The following BAD variants were observed in gnomAD, a reference collection of about 807,000 sequenced individuals.
BAD encodes BCL2 associated agonist of cell death, also known as bcl2-associated agonist of cell death.
Under a neutral mutation model 17.8 loss-of-function variants are expected in BAD, and 18 were observed. That is an observed-to-expected ratio of 1.01 (90% CI 0.70 to 1.50). The LOEUF (loss-of-function observed/expected upper bound fraction) is 1.50, where lower values mean the gene tolerates loss of function less well. Among genes scored for constraint, BAD ranks in the 40% most tolerant of loss-of-function variants. The pLI, the probability that BAD is intolerant of heterozygous loss-of-function variation, is 0.00. For synonymous variants in BAD, 112 were observed against 91.5 expected (o/e 1.22, Z -1.28); for missense variants, 294 against 239.3 (o/e 1.23, Z -1.51).
Position 64,275,017 on chromosome 11 carries a change from C to T in BAD, c.188-3214G>A, listed in dbSNP as rs572348765. Among the ~76,000 whole-genome samples, 219 of 83,930 alleles carry T rather than the reference C, an allele frequency of 2.6e-3. 2 individuals carry two copies. In the South Asian group the frequency reaches 0.045, roughly 17 times the overall value. The allele number at this position is 83,930 out of a possible 152,430, so 55.1% of individuals were successfully genotyped here. A position where few individuals can be genotyped will look rare whatever the true frequency, so the allele number is the denominator to read the frequency against. On this transcript the variant is annotated intron_variant, in intron 2 of 3. Coordinates refer to ENST00000309032, the MANE Select transcript of BAD (RefSeq NM_032989.3). ...CAAAAAAAAAAAAAAAAAAAAAAAG[C>T]GAGTAAGGGAACGAGAGGACGGAAT...
At position 64,271,661 on chromosome 11, in the gene BAD, A is replaced by G; in HGVS notation, c.330T>C (p.Tyr110=). 1.3e-6 allele frequency: 2 copies of G among 1,510,486 alleles called. No individual in the cohort carries two copies. Among genetic ancestry groups the G allele is most frequent in the South Asian group, 1.2e-5 (1 of 80,274 alleles). The allele number at this position is 1,510,486 out of a possible 1,614,324, so 93.6% of individuals were successfully genotyped here. ...CACTCATCCTCCGGAGCTCGCGGCC[A>G]TAGCGCTGTGCTGCCCAGAGGTTGG... ...APPNLWAAQR[Y]GRELRRMSDE... is the part of the protein sequence containing the mutation. The change falls in exon 3 of 4, where the codon TAT becomes TAC. Residue 110 remains tyrosine, a synonymous_variant. Coordinates refer to ENST00000309032, the MANE Select transcript of BAD (RefSeq NM_032989.3).
intron 2 of BAD, among the ~76,000 whole-genome samples, chr11:64,281,087 C>T (rs2033438029): frequency 6.6e-6 from 1 of 152,176 alleles, no homozygotes; most frequent in Admixed American, 6.5e-5. Flanking sequence ...CCTGCCTCAG[C>T]CTCCAGAGTA....
rs11541683 is a variant in BAD, at chr11:64,284,227, C to A, written c.142G>T (p.Ala48Ser). ...GTTGGCTGCTCCTGCTGGTGACTGG[C>A]GTCCCACAGGAGGCCTGGGGCCTGG... ...HRQAPGLLWD[A>S]SHQQEQPTSS... Residue 48 changes from alanine to serine, a missense_variant, in exon 2 of 4, where the codon GCC becomes TCC. Coordinates refer to ENST00000309032, the MANE Select transcript of BAD (RefSeq NM_032989.3). 39 of 1,605,802 alleles carry A rather than the reference C, an allele frequency of 2.4e-5. No individual in the cohort carries two copies. The highest frequency in any genetic ancestry group is 3.3e-5 in the Non-Finnish European group (39 of 1,176,302).
intron 3 of BAD, 118 bp downstream of exon 3, chr11:64,271,495 G>A: frequency 9.2e-7 from 1 of 1,087,804 alleles, no homozygotes; most frequent in African/African-American, 1.6e-5. Context: ...GAACAGGACG[G>A]CTTTGGGGAG....
At chr11:64,270,482 T>C (rs2032425843) in intron 3 of BAD, 145 bp from the exon 4 acceptor site, 2 of 1,174,184 alleles carry the variant, frequency 1.7e-6, no homozygotes, top group Admixed American at 5.1e-5. Context: ...CGCCGGGCGG[T>C]CAGGGACGCT....
intron 2 of BAD, among the ~76,000 whole-genome samples, chr11:64,273,664 GAGGTC>G (rs1204760641): frequency 6.6e-6 from 1 of 151,716 alleles, no homozygotes; most frequent in Non-Finnish European, 1.5e-5. Context: ...GGGAGATCAC[GAGGTC>G]AGGAGTTTAA....
rs191414676 is a variant in BAD at position 64,278,491 on chromosome 11, A to T, written c.187+5691T>A. Among the ~76,000 whole-genome samples the T allele has an allele frequency of 1.5e-3, 227 of 152,142 alleles. 1 individual carries two copies. Among genetic ancestry groups the T allele is most frequent in the Admixed American group, 2.8e-3 (43 of 15,272 alleles). On this transcript the variant is annotated intron_variant, in intron 2 of 3. Coordinates refer to ENST00000309032, the MANE Select transcript of BAD (RefSeq NM_032989.3). ...TCTGCGCCAGGCACTGTTTCCAAGCACTTTTCCTATATTAACTCATCAGGT... is the reference window on the plus strand; with the variant it reads ...TCTGCGCCAGGCACTGTTTCCAAGCTCTTTTCCTATATTAACTCATCAGGT...
intron 2 of BAD, among the ~76,000 whole-genome samples, chr11:64,282,881 GAAAAAAA>G (rs541902877): frequency 0.01 from 907 of 88,066 alleles, 6 homozygotes; most frequent in African/African-American, 0.037. Flanking sequence ...TCCGTCTCAG[GAAAAAAA>G]AAAAAAAAAA....
intron 2 of BAD, 99 bp downstream of exon 2, chr11:64,284,083 G>A: frequency 7.1e-7 from 1 of 1,406,462 alleles, no homozygotes; most frequent in African/African-American, 1.4e-5. Context: ...TTTGGGGACC[G>A]ACCCAAAGCA....
chr11:64,279,411 G>C (rs931589124), intron 2 of BAD, among the ~76,000 whole-genome samples: 5 of 152,104 alleles, frequency 3.3e-5, no homozygotes, highest in African/African-American at 1.2e-4. Context: ...CTCTGGTTCA[G>C]ACTCCAAGTC....
chr11:64,273,774 C>T (rs768199252), intron 2 of BAD, among the ~76,000 whole-genome samples: 39 of 133,088 alleles, frequency 2.9e-4, no homozygotes, highest in Admixed American at 6.5e-4. Flanking sequence ...CCCAGCTACT[C>T]GGGAGGCTGA....
At position 64,278,201 on chromosome 11, in the gene BAD, G is replaced by A. The variant is rs1475330234; in HGVS notation, c.187+5981C>T. ...CCCAGCTACTTAGGAAGCTGAGGTG[G>A]GAGGATGGCTGGAGCCCAGAAATTT... is the stretch of plus-strand genomic sequence containing the variant. On this transcript the variant is annotated intron_variant, in intron 2 of 3. Transcript: ENST00000309032. Among the ~76,000 whole-genome samples the A allele has an allele frequency of 3.9e-5, 6 of 152,106 alleles. No individual in the cohort carries two copies. In the South Asian group the frequency reaches 8.3e-4, roughly 21 times the overall value.
At chr11:64,279,103 T>TC (rs2033257295) in intron 2 of BAD, among the ~76,000 whole-genome samples, 1 of 151,952 alleles carries the variant, frequency 6.6e-6, no homozygotes, top group African/African-American at 2.4e-5. Context: ...CAGCACCCTG[T>TC]CTCCTTTCTG....
chr11:64,271,853 A>G, intron 2 of BAD, 50 bp from the exon 3 acceptor site: 1 of 1,319,418 alleles, frequency 7.6e-7, no homozygotes, highest in Non-Finnish European at 9.7e-7. Flanking sequence ...AGCTCCTCTA[A>G]GCCCCTGGCC....
At chr11:64,276,933 C>A (rs1041823895) in intron 2 of BAD, 5 of 761,226 alleles carry the variant, frequency 6.6e-6, no homozygotes, top group Non-Finnish European at 1.2e-5. Flanking sequence ...GCGTGTTGGG[C>A]TTCTGAGTCA....
At chr11:64,276,835 C>A in intron 2 of BAD, 1 of 710,316 alleles carries the variant, frequency 1.4e-6, no homozygotes, top group Non-Finnish European at 2.6e-6. Context: ...TAGAGCCTGG[C>A]CCGGAGCTGG....
In BAD at chr11:64,271,726, C is replaced by T. The variant is rs769010021; in HGVS notation, c.265G>A (p.Glu89Lys). Reference protein sequence around the residue: ...GTEDDEGMGEEPSPFRGRSRS... With the variant: ...GTEDDEGMGEKPSPFRGRSRS... ...GAGCGGCCCCGAAAGGGGCTGGGCT[C>T]CTCCCCCATCCCTTCGTCGTCCTCC... The change falls in exon 3 of 4, where the codon GAG becomes AAG. Residue 89 changes from glutamate (E) to lysine (K), a missense_variant. By Grantham distance (56) the Glu-to-Lys change is moderately conservative. Transcript: ENST00000309032. 3 of 1,444,590 alleles carry T rather than the reference C, an allele frequency of 2.1e-6. No individual in the cohort carries two copies. The highest frequency in any genetic ancestry group is 1.5e-5 in the African/African-American group (1 of 68,204). 89.5% of individuals were successfully genotyped at this position (1,444,590 alleles called of 1,614,324 possible).
In BAD at chr11:64,284,646, G is replaced by C; in HGVS notation, c.-24C>G. The C allele has an allele frequency of 2.0e-6, 3 of 1,531,320 alleles. No homozygotes were observed. The highest frequency in any genetic ancestry group is 2.6e-6 in the Non-Finnish European group (3 of 1,144,816). 94.9% of individuals were successfully genotyped at this position (1,531,320 alleles called of 1,614,324 possible). Reference sequence around the variant, plus strand: ...CAGGTCTCACCCCAAGCCCGATCTCGAGGCCCCTGACCCGGGCCTGCCGCC... The same window carrying C: ...CAGGTCTCACCCCAAGCCCGATCTCCAGGCCCCTGACCCGGGCCTGCCGCC... On this transcript the variant is annotated 5_prime_UTR_variant, in exon 1 of 4. Transcript: ENST00000309032.
At chr11:64,282,854 G>A (rs1055446220) in intron 2 of BAD, among the ~76,000 whole-genome samples, 4 of 150,800 alleles carry the variant, frequency 2.7e-5, no homozygotes, top group African/African-American at 9.8e-5. Flanking sequence ...ACCCCAGCCT[G>A]GGCAGCAGAG....
Sources: gnomAD v4.1 joint callset for allele counts (sites outside exome capture counted in the v4.1 genomes callset) on GRCh38, gnomAD v4.1.1 for gene constraint, MANE v1.5 for transcripts, NCBI Gene and HGNC (gene_info 2026-07-23, HGNC 2026-07-21) for gene names.